ABHD12B: variants seen among roughly 807,000 people sequenced by gnomAD.
ABHD12B encodes the protein protein ABHD12B.
ABHD12B carries 42 observed loss-of-function variants against 50.4 expected under a neutral mutation model. That is an observed-to-expected ratio of 0.83 (90% CI 0.65 to 1.08). The LOEUF (loss-of-function observed/expected upper bound fraction) is 1.08. Among genes scored for constraint, ABHD12B ranks in the 50% least tolerant of loss-of-function variants. The probability of loss-of-function intolerance (pLI) is 0.00; values close to 1 mark genes in which losing one functional copy is unlikely to be tolerated. For synonymous variants in ABHD12B, 167 were observed against 160.3 expected (o/e 1.04, Z -0.32); for missense variants, 479 against 447.7 (o/e 1.07, Z -0.63).
At chr14:50,872,365 C>A in intron 1 of ABHD12B, 87 bp downstream of exon 1, 2 of 955,082 alleles carry the variant, frequency 2.1e-6, no homozygotes, top group Non-Finnish European at 2.7e-6. Context: ...GCGGCCGAGG[C>A]CGCAATCCCC....
intron 10 of ABHD12B, among the ~76,000 whole-genome samples, chr14:50,902,414 G>A (rs946002393): frequency 2.0e-5 from 3 of 152,174 alleles, no homozygotes; most frequent in Non-Finnish European, 4.4e-5. Context: ...AGCCTGGGAG[G>A]TTGAGGTTGC....
chr14:50,888,653 T>C (rs751512923), intron 8 of ABHD12B, among the ~76,000 whole-genome samples, 171 bp from the exon 9 acceptor site: 1 of 152,186 alleles, frequency 6.6e-6, no homozygotes, highest in Non-Finnish European at 1.5e-5. Context: ...CCCTGGAGAA[T>C]CTGACTCATA....
At position 50,882,266 on chromosome 14, in the gene ABHD12B, G is replaced by C. The variant is rs534513850; in HGVS notation, c.486+640G>C. Among the ~76,000 whole-genome samples, 3 of 152,090 alleles carry C rather than the reference G, an allele frequency of 2.0e-5. No individual in the cohort carries two copies. In the South Asian group the frequency reaches 6.2e-4, roughly 32 times the overall value. ...TTTTATTTGCTTTCTCTGAGGGCTGGGGGATGGGTTGAGAGAGTATTATTA... is the reference window on the plus strand; with the variant it reads ...TTTTATTTGCTTTCTCTGAGGGCTGCGGGATGGGTTGAGAGAGTATTATTA... On this transcript the variant is annotated intron_variant, in intron 5 of 12. Transcript: ENST00000337334.
chr14:50,897,957 AAG>A, intron 9 of ABHD12B, among the ~76,000 whole-genome samples: 2 of 152,318 alleles, frequency 1.3e-5, no homozygotes, highest in African/African-American at 4.8e-5. Flanking sequence ...AGAATTACTG[AAG>A]AGAGAGGCTT....
chr14:50,896,849 G>A (rs975157351), intron 9 of ABHD12B, among the ~76,000 whole-genome samples: 13 of 152,236 alleles, frequency 8.5e-5, no homozygotes, highest in African/African-American at 3.1e-4. Flanking sequence ...CACAAAGCCT[G>A]TTTGGTGGTC....
chr14:50,889,552 C>T (rs866485476), intron 9 of ABHD12B, among the ~76,000 whole-genome samples: 5 of 152,170 alleles, frequency 3.3e-5, no homozygotes, highest in South Asian at 4.1e-4. Flanking sequence ...GCAGGAGAGT[C>T]GCTTGAACCC....
At chr14:50,893,322 TCCTTG>T (rs956895849) in intron 9 of ABHD12B, 4 of 157,968 alleles carry the variant, frequency 2.5e-5, no homozygotes, top group African/African-American at 9.6e-5. Flanking sequence ...AAATGGCCGG[TCCTTG>T]CCTTAAGTGA....
rs12879810 is a variant in ABHD12B at position 50,896,631 on chromosome 14, C to T, written c.781-5198C>T. 7.4e-4 allele frequency among the ~76,000 whole-genome samples: 77 copies of T among 103,782 alleles called. 6 individuals carry two copies. Among genetic ancestry groups the T allele is most frequent in the East Asian group, 2.3e-3 (4 of 1,732 alleles). The allele number at this position is 103,782 out of a possible 152,430, so 68.1% of individuals were successfully genotyped here. A position where few individuals can be genotyped will look rare whatever the true frequency, so the allele number is the denominator to read the frequency against. On this transcript the variant is annotated intron_variant, in intron 9 of 12. Transcript: ENST00000337334. ...CACCTTAACTGAGTGATTAACCCTG[C>T]GAATTTCCTTCTCCTGGCTCAGAAG...
chr14:50,878,629 G>A (rs2049895228), intron 2 of ABHD12B, 116 bp from the exon 3 acceptor site: 1 of 787,660 alleles, frequency 1.3e-6, no homozygotes. Flanking sequence ...GGAGTTTAGT[G>A]TAGTAGCTTG....
intron 4 of ABHD12B, 44 bp downstream of exon 4, chr14:50,880,615 G>T: frequency 6.7e-7 from 1 of 1,502,590 alleles, no homozygotes; most frequent in South Asian, 1.4e-5. Flanking sequence ...GAGATTGAGA[G>T]CATTTCAGCC....
At chr14:50,903,985 G>C in intron 11 of ABHD12B, 89 bp from the exon 12 acceptor site, 1 of 1,046,746 alleles carries the variant, frequency 9.6e-7, no homozygotes, top group Non-Finnish European at 1.4e-6. Flanking sequence ...CCCCAAGTTA[G>C]CTGTTTCTGT....
chr14:50,892,334 T>G, intron 9 of ABHD12B: 1 of 836,984 alleles, frequency 1.2e-6, no homozygotes, highest in Non-Finnish European at 1.4e-6. Context: ...CAAAAGGGAA[T>G]GAGGGTAGTA....
chr14:50,882,351 G>C (rs2049964672), intron 5 of ABHD12B, among the ~76,000 whole-genome samples: 3 of 146,756 alleles, frequency 2.0e-5, no homozygotes, highest in African/African-American at 5.1e-5. Flanking sequence ...AGTGGTTATA[G>C]GCTAAAGACA....
rs1163015783 is a variant in ABHD12B, at chr14:50,904,144, T to C, written c.1013T>C (p.Phe338Ser). The C allele has an allele frequency of 6.2e-7, 1 of 1,614,176 alleles. No homozygotes were observed. Among genetic ancestry groups the C allele is most frequent in the East Asian group, 2.2e-5 (1 of 44,882 alleles). Reference sequence around the variant, plus strand: ...AAGATGGTTATCTTTCCTCCTGGCTTCCAACACAACCTGCTTTGTAAAAGC... The same window carrying C: ...AAGATGGTTATCTTTCCTCCTGGCTCCCAACACAACCTGCTTTGTAAAAGC... The part of the protein sequence containing the change: ...RVKMVIFPPG[F>S]QHNLLCKSPT... The change falls in exon 12 of 13, where the codon TTC becomes TCC. Residue 338 changes from phenylalanine (F) to serine (S), a missense_variant. Phe to Ser is a radical substitution (Grantham distance 155). Transcript: ENST00000337334.
At chr14:50,884,271 T>C (rs17123082) in intron 5 of ABHD12B, among the ~76,000 whole-genome samples, 1,666 of 152,348 alleles carry the variant, frequency 0.011, 28 homozygotes, top group African/African-American at 0.038. Context: ...TTGTATTGCC[T>C]AGTGGTCCTT....
chr14:50,902,039 C>G (rs1386096479), intron 10 of ABHD12B, 128 bp downstream of exon 10: 1 of 595,358 alleles, frequency 1.7e-6, no homozygotes, highest in East Asian at 3.4e-5. Context: ...GAATATTGTT[C>G]TGCGCTTCTT....
intron 1 of ABHD12B, among the ~76,000 whole-genome samples, chr14:50,874,088 G>T (rs1357989028): frequency 6.6e-6 from 1 of 152,128 alleles, no homozygotes; most frequent in Non-Finnish European, 1.5e-5. Context: ...CTTCATGGAG[G>T]GCTTGCCATG....
chr14:50,878,659 C>A (rs2049895802), intron 2 of ABHD12B, 86 bp from the exon 3 acceptor site: 1 of 1,078,840 alleles, frequency 9.3e-7, no homozygotes, highest in Non-Finnish European at 1.4e-6. Flanking sequence ...AGCCTGTTAA[C>A]CTGTGTAGGC....
chr14:50,893,520 C>T (rs60601519), intron 9 of ABHD12B: 8,031 of 152,316 alleles, frequency 0.053, 709 homozygotes, highest in African/African-American at 0.18. Context: ...ACTCTCTTTT[C>T]GGACTCAGCC....
Sources: allele counts gnomAD v4.1 joint callset (sites outside exome capture counted in the v4.1 genomes callset), GRCh38; gene constraint gnomAD v4.1.1; transcripts MANE v1.5; gene names NCBI Gene and HGNC (gene_info 2026-07-23, HGNC 2026-07-21).